ZC3H7A: variants seen among roughly 807,000 people sequenced by gnomAD.
ZC3H7A encodes zinc finger CCCH domain-containing protein 7A.
In ZC3H7A, 44 loss-of-function variants were observed where a neutral mutation model predicts 125.5. The ratio of observed to expected loss-of-function variants is 0.35; its 90% CI spans 0.28 to 0.45. ZC3H7A has a LOEUF of 0.45. ZC3H7A is among the 20% of genes least tolerant of loss of function. The pLI, the probability that ZC3H7A is intolerant of heterozygous loss-of-function variation, is 1.00. For missense variants in ZC3H7A, 977 were observed against 1,170.7 expected (o/e 0.83, Z 2.41); for synonymous variants, 399 against 391.2 (o/e 1.02, Z -0.23).
chr16:11,792,903 A>C (rs1251573440), intron 1 of ZC3H7A, among the ~76,000 whole-genome samples: 1 of 152,232 alleles, frequency 6.6e-6, no homozygotes, highest in African/African-American at 2.4e-5. Context: ...GGCACTTTAA[A>C]GCCATTCAGG....
At chr16:11,760,114 G>GATAAAATGAAAAAAA (rs2052721117) in intron 19 of ZC3H7A, among the ~76,000 whole-genome samples, 1 of 12,432 alleles carries the variant, frequency 8.0e-5, no homozygotes, top group Admixed American at 1.3e-3. Context: ...GACAGAGCAA[G>GATAAAATGAAAAAAA]AAAAAATGAA....
At chr16:11,794,772 C>A (rs897477793) in intron 1 of ZC3H7A, among the ~76,000 whole-genome samples, 3 of 152,186 alleles carry the variant, frequency 2.0e-5, no homozygotes, top group Non-Finnish European at 4.4e-5. Flanking sequence ...CTTACAATGA[C>A]AATTTAACCC....
At position 11,765,580 on chromosome 16, in the gene ZC3H7A, C is replaced by T. The variant is rs1391757526; in HGVS notation, c.1628G>A (p.Arg543Gln). The change falls in exon 14 of 23, where the codon CGG becomes CAG. Residue 543 changes from arginine to glutamine, a missense_variant. Physicochemically the swap from Arg to Gln is conservative, Grantham distance 43. This residue lies in a region of ZC3H7A where 436 missense variants were observed against 603.2 expected (regional missense o/e 0.72). Transcript: ENST00000355758. This position sits in a 1 kb window ranked among gnomAD's most constrained non-coding sequence, Gnocchi z 4.8. Reference protein sequence around the residue: ...WTLERKGAFSREAFFGGNGKI... With the variant: ...WTLERKGAFSQEAFFGGNGKI... ...TCCATTGCCGCCAAAGAAAGCCTCC[C>T]GGCTGAATGCTCCTTTCCGCTCCAG... 4.3e-6 allele frequency: 7 copies of T among 1,614,038 alleles called. No individual in the cohort carries two copies. The highest frequency in any genetic ancestry group is 1.3e-5 in the African/African-American group (1 of 74,912).
At chr16:11,783,703 T>G (rs1283154077) in intron 1 of ZC3H7A, among the ~76,000 whole-genome samples, 1 of 152,206 alleles carries the variant, frequency 6.6e-6, no homozygotes, top group African/African-American at 2.4e-5. Flanking sequence ...GAAGGGAAAT[T>G]CCACTCATGT....
intron 1 of ZC3H7A, among the ~76,000 whole-genome samples, chr16:11,794,879 C>T (rs1314420417): frequency 2.0e-5 from 3 of 152,164 alleles, no homozygotes; most frequent in African/African-American, 7.2e-5. Context: ...CTGACAGAAT[C>T]TGGGGAATGG....
chr16:11,776,722 T>C (rs1229792605), intron 5 of ZC3H7A, 29 bp downstream of exon 5: 5 of 1,574,528 alleles, frequency 3.2e-6, no homozygotes, highest in Admixed American at 2.0e-5. Flanking sequence ...ATGGTTACGA[T>C]GTAAACAAAT....
chr16:11,767,309 T>C, intron 13 of ZC3H7A, 108 bp downstream of exon 13: 1 of 967,242 alleles, frequency 1.0e-6, no homozygotes, highest in Non-Finnish European at 1.5e-6. Context: ...TACTCTGTGA[T>C]GTTCCCCTAA....
At chr16:11,788,200 T>G (rs975688078) in intron 1 of ZC3H7A, among the ~76,000 whole-genome samples, 3 of 152,122 alleles carry the variant, frequency 2.0e-5, no homozygotes, top group Non-Finnish European at 2.9e-5. Flanking sequence ...CAGCCTGGGC[T>G]AGGTCTGTCC....
intron 1 of ZC3H7A, among the ~76,000 whole-genome samples, chr16:11,793,532 C>A (rs1235963902): frequency 6.8e-6 from 1 of 147,776 alleles, no homozygotes. Flanking sequence ...GATCCTGTCT[C>A]AAAAAAAAGG....
chr16:11,790,079 CAA>C (rs150579733), intron 1 of ZC3H7A, among the ~76,000 whole-genome samples: 1,047 of 73,558 alleles, frequency 0.014, 4 homozygotes, highest in African/African-American at 0.046. Context: ...GACTCCATCT[CAA>C]AAAAAAAAAA....
intron 3 of ZC3H7A, 97 bp downstream of exon 3, chr16:11,781,328 T>C (rs935970285): frequency 6.6e-5 from 76 of 1,157,388 alleles, no homozygotes; most frequent in Non-Finnish European, 9.3e-5. Flanking sequence ...GCAGGCCAGA[T>C]TGGGCCCACA....
chr16:11,768,334 C>A lies in ZC3H7A; in HGVS notation c.1341G>T (p.Gln447His). 6.4e-7 allele frequency: 1 copy of A among 1,553,876 alleles called. No individual in the cohort carries two copies. The highest frequency in any genetic ancestry group is 8.7e-7 in the Non-Finnish European group (1 of 1,142,874). ...CCTGACCTGATTTTACAAAACAGATCTGGCAAGCTTGTCTCAATTCATGGG... is the reference window on the plus strand; with the variant it reads ...CCTGACCTGATTTTACAAAACAGATATGGCAAGCTTGTCTCAATTCATGGG... ...EGTHELRQAC[Q>H]ICFVKSGPKL... The change falls in exon 12 of 23, where the codon CAG becomes CAT. Residue 447 changes from glutamine (Q) to histidine (H), a missense_variant. Around this residue, in one of 3 missense-constraint regions of ZC3H7A, gnomAD observed 342 missense variants for 311.3 expected, o/e 1.10. Coordinates refer to ENST00000355758, the MANE Select transcript of ZC3H7A (RefSeq NM_014153.4).
intron 1 of ZC3H7A, among the ~76,000 whole-genome samples, chr16:11,796,678 G>C (rs2053443356): frequency 6.6e-6 from 1 of 152,122 alleles, no homozygotes; most frequent in South Asian, 2.1e-4. Flanking sequence ...AAATCAGAAA[G>C]GGGGGTAAAA....
chr16:11,775,831 A>G, intron 7 of ZC3H7A, among the ~76,000 whole-genome samples: 1 of 152,108 alleles, frequency 6.6e-6, no homozygotes, highest in East Asian at 1.9e-4. Flanking sequence ...CAGCTAAAAT[A>G]TATTACTTGA....
intron 13 of ZC3H7A, among the ~76,000 whole-genome samples, chr16:11,766,760 G>A (rs1264760265): frequency 6.6e-6 from 1 of 151,492 alleles, no homozygotes; most frequent in Non-Finnish European, 1.5e-5. Context: ...GCGCATGCCT[G>A]TAATCCCAGC....
intron 3 of ZC3H7A, among the ~76,000 whole-genome samples, chr16:11,780,358 T>C (rs934765997): frequency 1.3e-5 from 2 of 152,148 alleles, no homozygotes; most frequent in Non-Finnish European, 2.9e-5. Flanking sequence ...TGGTCTCAAG[T>C]GATCCGCCTG....
At chr16:11,794,458 T>A (rs935370561) in intron 1 of ZC3H7A, among the ~76,000 whole-genome samples, 17 of 152,332 alleles carry the variant, frequency 1.1e-4, no homozygotes, top group African/African-American at 3.6e-4. Flanking sequence ...TCCTTAAAAA[T>A]TATCTAAAAT....
chr16:11,786,966 G>C (rs763830492), intron 1 of ZC3H7A, among the ~76,000 whole-genome samples: 1 of 152,120 alleles, frequency 6.6e-6, no homozygotes, highest in Non-Finnish European at 1.5e-5. Context: ...ATCAATATTT[G>C]TTTACAGTTT....
intron 15 of ZC3H7A, 104 bp downstream of exon 15, chr16:11,764,949 A>G: frequency 2.7e-6 from 2 of 729,270 alleles, no homozygotes; most frequent in Non-Finnish European, 4.4e-6. Context: ...TAACAACATA[A>G]CGATGAAAGG....
Sources: gnomAD v4.1 joint callset for allele counts (sites outside exome capture counted in the v4.1 genomes callset) on GRCh38, gnomAD v4.1.1 for gene constraint, gnomAD v4.1.1 regional missense constraint, Gnocchi (gnomAD v3.1) non-coding constraint, MANE v1.5 for transcripts, NCBI Gene and HGNC (gene_info 2026-07-23, HGNC 2026-07-21) for gene names.